Variants in NRN1 observed in about 807,000 individuals in gnomAD.
The protein encoded by NRN1 is neuritin 1.
In NRN1, 4 loss-of-function variants were observed where a neutral mutation model predicts 15.0. The observed-to-expected ratio is 0.27, with a 90% CI of 0.13 to 0.61. The LOEUF (loss-of-function observed/expected upper bound fraction) is 0.61, where lower values mean the gene tolerates loss of function less well. Ranked by LOEUF, NRN1 falls within the 20% of genes least tolerant of loss-of-function variation. The pLI is 0.87. For missense variants in NRN1, 134 were observed against 181.9 expected (o/e 0.74, Z 1.51); for synonymous variants, 85 against 79.8 (o/e 1.07, Z -0.35).
intron 1 of NRN1, among the ~76,000 whole-genome samples, chr6:6,005,654 C>T (rs937514734): frequency 6.6e-6 from 1 of 152,206 alleles, no homozygotes; most frequent in Admixed American, 6.5e-5. Context: ...CAAAGAATGC[C>T]ACAGCCTGAA....
chr6:6,003,970 C>A, intron 1 of NRN1: 1 of 1,219,678 alleles, frequency 8.2e-7, no homozygotes, highest in South Asian at 4.3e-5. Flanking sequence ...ACACCTCAAT[C>A]CCCCGGCCCC....
Position 5,998,935 on chromosome 6 carries a change from A to G in NRN1, c.*41T>C, listed in dbSNP as rs961017209. 1 of 1,422,568 alleles carries G rather than the reference A, an allele frequency of 7.0e-7. No individual in the cohort carries two copies. Among genetic ancestry groups the G allele is most frequent in the African/African-American group, 1.4e-5 (1 of 71,222 alleles). 88.1% of individuals were successfully genotyped at this position (1,422,568 alleles called of 1,614,324 possible). ...TTCCTCTCGATTTCCGGGAGCATGG[A>G]GTGAGTGTGGGTGGGCGCGCGGGGG... On this transcript the variant is annotated 3_prime_UTR_variant, in exon 3 of 3. Transcript: ENST00000244766.
At chr6:6,005,356 C>G (rs975911531) in intron 1 of NRN1, among the ~76,000 whole-genome samples, 1 of 152,148 alleles carries the variant, frequency 6.6e-6, no homozygotes, top group Non-Finnish European at 1.5e-5. Flanking sequence ...GTCAAAGATT[C>G]AAAACAACCA....
intron 2 of NRN1, among the ~76,000 whole-genome samples, chr6:6,000,754 C>CTTTTTTTT (rs1561902807): frequency 6.0e-5 from 5 of 83,730 alleles, no homozygotes; most frequent in Admixed American, 1.2e-4. Context: ...TTTTTATGTA[C>CTTTTTTTT]GCCCAGATGA....
At chr6:6,005,055 C>A (rs544806960) in intron 1 of NRN1, among the ~76,000 whole-genome samples, 1 of 152,012 alleles carries the variant, frequency 6.6e-6, no homozygotes, top group South Asian at 2.1e-4. Flanking sequence ...TTCAATTCCA[C>A]AGTCAACAAA....
intron 1 of NRN1, among the ~76,000 whole-genome samples, chr6:6,005,612 C>A (rs1019442451): frequency 6.6e-6 from 1 of 152,180 alleles, no homozygotes; most frequent in Non-Finnish European, 1.5e-5. Context: ...ACCTAAAGCA[C>A]CCCCTCCCCC....
At chr6:6,003,204 C>T (rs1758009050) in intron 1 of NRN1, 1 of 1,234,442 alleles carries the variant, frequency 8.1e-7, no homozygotes, top group East Asian at 3.2e-5. Flanking sequence ...CCCTCGGATG[C>T]ACCCTCTCCC....
At chr6:6,002,585 G>A in intron 1 of NRN1, 88 bp from the exon 2 acceptor site, 1 of 1,523,132 alleles carries the variant, frequency 6.6e-7, no homozygotes, top group South Asian at 1.2e-5. Flanking sequence ...GGCTCCGCGC[G>A]GCCTCATCGC....
At position 5,998,787 on chromosome 6, in the gene NRN1, A is replaced by G. The variant is rs921515894; in HGVS notation, c.*189T>C. On this transcript the variant is annotated 3_prime_UTR_variant, in exon 3 of 3. Coordinates refer to ENST00000244766, the MANE Select transcript of NRN1 (RefSeq NM_016588.3). ...GCTTGCTTGCTCACTGATTGGTAAC[A>G]TTTGGCAAATAAAACACAAGAAATC... 8.3e-6 allele frequency: 5 copies of G among 602,138 alleles called. No homozygotes were observed. Among genetic ancestry groups the G allele is most frequent in the East Asian group, 2.8e-5 (1 of 36,064 alleles). The allele number at this position is 602,138 out of a possible 1,614,324, so 37.3% of individuals were successfully genotyped here.
intron 2 of NRN1, among the ~76,000 whole-genome samples, chr6:5,999,513 C>T (rs184320557): frequency 2.7e-3 from 412 of 152,382 alleles, no homozygotes; most frequent in Non-Finnish European, 4.4e-3. Flanking sequence ...CTGTGGCGCG[C>T]TGGCACCTCG....
intron 2 of NRN1, 111 bp from the exon 3 acceptor site, chr6:5,999,315 G>T (rs1388186346): frequency 1.1e-5 from 10 of 875,638 alleles, no homozygotes; most frequent in South Asian, 3.0e-5. Context: ...ACTTCCCGGG[G>T]TGTCCCCTCC....
intron 2 of NRN1, among the ~76,000 whole-genome samples, chr6:6,001,069 G>C (rs1467366447): frequency 6.6e-6 from 1 of 152,164 alleles, no homozygotes; most frequent in African/African-American, 2.4e-5. Flanking sequence ...GAGACTTTTA[G>C]AATTAAATGA....
In NRN1 at chr6:6,006,723, A is replaced by G. The variant is rs566439720; in HGVS notation, c.27T>C (p.Tyr9=). Residue 9 remains tyrosine (Y), a synonymous_variant, in exon 1 of 3, where the codon TAT becomes TAC. Coordinates refer to ENST00000244766, the MANE Select transcript of NRN1 (RefSeq NM_016588.3). Reference sequence around the variant, plus strand: ...TTTGCACCGCGAGGATCAGTGAAATATATCTGCCGTTCAACTTAAGTCCCA... The same window carrying G: ...TTTGCACCGCGAGGATCAGTGAAATGTATCTGCCGTTCAACTTAAGTCCCA... The part of the protein sequence containing the change: MGLKLNGR[Y]ISLILAVQIA... 8 of 1,614,130 alleles carry G rather than the reference A, an allele frequency of 5.0e-6. 1 individual carries two copies. The highest frequency in any genetic ancestry group is 3.3e-4 in the Middle Eastern group (2 of 6,062).
intron 1 of NRN1, chr6:6,003,930 T>C (rs1021071029): frequency 9.0e-6 from 11 of 1,228,080 alleles, no homozygotes; most frequent in Non-Finnish European, 1.1e-5. Flanking sequence ...GCGGCTGCGC[T>C]TGTGTGTGAA....
chr6:6,005,320 T>C (rs1185965096), intron 1 of NRN1, among the ~76,000 whole-genome samples: 2 of 152,230 alleles, frequency 1.3e-5, no homozygotes, highest in Non-Finnish European at 2.9e-5. Flanking sequence ...TTAGAAATAT[T>C]ATTTACAGCA....
chr6:6,000,114 G>GC (rs1757900900), intron 2 of NRN1, among the ~76,000 whole-genome samples: 2 of 152,330 alleles, frequency 1.3e-5, no homozygotes, highest in Middle Eastern at 3.4e-3. Flanking sequence ...CTTTCAGGAT[G>GC]TAGCGCCAGC....
intron 1 of NRN1, among the ~76,000 whole-genome samples, chr6:6,004,741 T>C (rs546762881): frequency 6.6e-6 from 1 of 152,280 alleles, no homozygotes; most frequent in South Asian, 2.1e-4. Flanking sequence ...CTCGCTGTCC[T>C]TCCTGAACCC....
At chr6:6,005,832 C>G (rs903104473) in intron 1 of NRN1, among the ~76,000 whole-genome samples, 1 of 152,150 alleles carries the variant, frequency 6.6e-6, no homozygotes, top group African/African-American at 2.4e-5. Context: ...TTTCTTCATT[C>G]TGGATGGTAA....
At chr6:6,000,194 T>A (rs1162273164) in intron 2 of NRN1, among the ~76,000 whole-genome samples, 1 of 152,222 alleles carries the variant, frequency 6.6e-6, no homozygotes, top group Non-Finnish European at 1.5e-5. Flanking sequence ...CCCCACCCTC[T>A]GTCCTCCTCT....
Sources: gnomAD v4.1 joint callset for allele counts (sites outside exome capture counted in the v4.1 genomes callset) on GRCh38, gnomAD v4.1.1 for gene constraint, MANE v1.5 for transcripts, NCBI Gene and HGNC (gene_info 2026-07-23, HGNC 2026-07-21) for gene names.